HTR5A: variants seen among roughly 807,000 people sequenced by gnomAD.
HTR5A encodes 5-hydroxytryptamine receptor 5A, also known as 5-HT-5.
In HTR5A, 21 loss-of-function variants were observed where a neutral mutation model predicts 24.3. That is an observed-to-expected ratio of 0.86 (90% CI 0.61 to 1.24). HTR5A has a LOEUF of 1.24. Among genes scored for constraint, HTR5A ranks in the 50% most tolerant of loss-of-function variants. The probability of loss-of-function intolerance (pLI) is 0.00; values close to 1 mark genes in which losing one functional copy is unlikely to be tolerated. For missense variants in HTR5A, 497 were observed against 489.5 expected (o/e 1.02, Z -0.15); for synonymous variants, 260 against 213.7 (o/e 1.22, Z -1.89).
Position 155,070,882 on chromosome 7 carries a change from C to T in HTR5A, c.-18C>T, listed in dbSNP as rs55967309. The T allele has an allele frequency of 0.059, 94,037 of 1,585,772 alleles. 3,701 individuals are homozygous for T. The highest frequency in any genetic ancestry group is 0.18 in the Admixed American group (10,519 of 59,456). On this transcript the variant is annotated 5_prime_UTR_variant, in exon 1 of 2. Transcript: ENST00000287907. ...CACCCCTTCTGCAAGTACCCCAGGG[C>T]GGTCTCCTGACCCAGAGATGGATTT...
rs578052239 is a variant in HTR5A, at chr7:155,078,506, T to A, written c.742-5649T>A. 3.0e-3 allele frequency among the ~76,000 whole-genome samples: 462 copies of A among 152,238 alleles called. 2 individuals are homozygous for A. Among genetic ancestry groups the A allele is most frequent in the African/African-American group, 0.01 (435 of 41,544 alleles). On this transcript the variant is annotated intron_variant, in intron 1 of 1. Coordinates refer to ENST00000287907, the MANE Select transcript of HTR5A (RefSeq NM_024012.4). ...TTTTGTATTTTTTATAGAAATAGGG[T>A]CTCACCATGTTGCCCATGATGGTCT...
intron 1 of HTR5A, among the ~76,000 whole-genome samples, chr7:155,072,042 T>A (rs1795303618): frequency 6.6e-6 from 1 of 151,948 alleles, no homozygotes; most frequent in African/African-American, 2.4e-5. Flanking sequence ...AGAATGGGGG[T>A]GTTCCAGGAG....
At position 155,084,241 on chromosome 7, in the gene HTR5A, G is replaced by A. The variant is rs1347065818; in HGVS notation, c.828G>A (p.Arg276=). The part of the protein sequence containing the change: ...VTFQPEGDTW[R]EQKEQRAALM... ...TCCAGCCAGAAGGGGACACGTGGCGGGAGCAGAAGGAGCAGCGGGCCGCCC... is the reference window on the plus strand; with the variant it reads ...TCCAGCCAGAAGGGGACACGTGGCGAGAGCAGAAGGAGCAGCGGGCCGCCC... Residue 276 remains arginine, a synonymous_variant, in exon 2 of 2, where the codon CGG becomes CGA. Transcript: ENST00000287907. 4.3e-6 allele frequency: 7 copies of A among 1,614,150 alleles called. No individual in the cohort carries two copies. The highest frequency in any genetic ancestry group is 5.9e-6 in the Non-Finnish European group (7 of 1,180,018).
chr7:155,078,562 C>T (rs991274912), intron 1 of HTR5A, among the ~76,000 whole-genome samples: 1 of 152,192 alleles, frequency 6.6e-6, no homozygotes, highest in Non-Finnish European at 1.5e-5. Flanking sequence ...ATCCTCCTGC[C>T]TTGGCCTCCC....
intron 1 of HTR5A, among the ~76,000 whole-genome samples, chr7:155,082,154 C>T (rs1000683003): frequency 6.6e-5 from 10 of 151,614 alleles, no homozygotes; most frequent in African/African-American, 2.4e-4. Flanking sequence ...GACCAGCATC[C>T]ACAGTGTGAA....
chr7:155,073,323 G>GAAAA (rs66715434), intron 1 of HTR5A, among the ~76,000 whole-genome samples: 29 of 109,134 alleles, frequency 2.7e-4, no homozygotes, highest in Non-Finnish European at 3.8e-4. Context: ...TCTGTCTCAA[G>GAAAA]AAAAAAAAAA....
At position 155,071,440 on chromosome 7, in the gene HTR5A, T is replaced by G; in HGVS notation, c.541T>G (p.Trp181Gly). ...VISLAPLLFGWGETYSEGSEE... is the reference protein window; with the variant it reads ...VISLAPLLFGGGETYSEGSEE... ...CTCTCTGGCCCCGCTGCTTTTTGGC[T>G]GGGGAGAGACGTACTCTGAGGGCAG... The change falls in exon 1 of 2, where the codon TGG (tryptophan) becomes GGG (glycine). Residue 181 changes from tryptophan (W) to glycine (G), a missense_variant. Trp to Gly is a radical substitution (Grantham distance 184). Coordinates refer to ENST00000287907, the MANE Select transcript of HTR5A (RefSeq NM_024012.4). 1 of 1,614,184 alleles carries G rather than the reference T, an allele frequency of 6.2e-7. No homozygotes were observed.
Position 155,084,323 on chromosome 7 carries a change from A to G in HTR5A, c.910A>G (p.Thr304Ala), listed in dbSNP as rs2150821827. The change falls in exon 2 of 2, where the codon ACC becomes GCC. Residue 304 changes from threonine to alanine, a missense_variant. Physicochemically the swap from Thr to Ala is moderately conservative, Grantham distance 58. Transcript: ENST00000287907. ...FVLCWIPFFL[T>A]ELISPLCSCD... ...GCTCTGCTGGATCCCCTTCTTTCTC[A>G]CCGAGCTCATCAGTCCCCTCTGCTC... 6.2e-7 allele frequency: 1 copy of G among 1,613,802 alleles called. No homozygotes were observed. Among genetic ancestry groups the G allele is most frequent in the Non-Finnish European group, 8.5e-7 (1 of 1,179,970 alleles).
In HTR5A at chr7:155,071,514, C is replaced by A; in HGVS notation, c.615C>A (p.Thr205=). The change falls in exon 1 of 2, where the codon ACC becomes ACA. Residue 205 remains threonine, a synonymous_variant. Coordinates refer to ENST00000287907, the MANE Select transcript of HTR5A (RefSeq NM_024012.4). The stretch of plus-strand genomic sequence containing the variant: ...AGCCTTCCTACGCCGTGTTCTCCAC[C>A]GTAGGCGCCTTCTACCTGCCGCTCT... ...SREPSYAVFS[T]VGAFYLPLCV... 2 of 1,614,204 alleles carry A rather than the reference C, an allele frequency of 1.2e-6. No homozygotes were observed. Among genetic ancestry groups the A allele is most frequent in the Non-Finnish European group, 8.5e-7 (1 of 1,180,044 alleles).
At chr7:155,073,877 G>GTATA (rs1554519613) in intron 1 of HTR5A, among the ~76,000 whole-genome samples, 1 of 8,008 alleles carries the variant, frequency 1.2e-4, no homozygotes, top group African/African-American at 1.6e-4. Context: ...ATATATATAT[G>GTATA]TATATATATA....
At chr7:155,077,030 T>G (rs1402518123) in intron 1 of HTR5A, 2 of 152,244 alleles carry the variant, frequency 1.3e-5, no homozygotes, top group African/African-American at 2.4e-5. Flanking sequence ...GGAAGAATCA[T>G]TCTTAACTCT....
At chr7:155,079,769 C>T (rs1414014185) in intron 1 of HTR5A, among the ~76,000 whole-genome samples, 1 of 152,178 alleles carries the variant, frequency 6.6e-6, no homozygotes, top group African/African-American at 2.4e-5. Flanking sequence ...GGTTGGTCAA[C>T]AGTTCATGCT....
rs548497004 is a variant in HTR5A, at chr7:155,076,084, T to C, written c.741+4444T>C. ...CATAGGATAAAGGACCCAGGAACTA[T>C]AGAAGAGAGGTGATCAATCTTAGTG... On this transcript the variant is annotated intron_variant, in intron 1 of 1. Coordinates refer to ENST00000287907, the MANE Select transcript of HTR5A (RefSeq NM_024012.4). Among the ~76,000 whole-genome samples the C allele has an allele frequency of 2.6e-5, 4 of 152,344 alleles. No homozygotes were observed. In the South Asian group the frequency reaches 6.2e-4, roughly 24 times the overall value.
At chr7:155,080,547 C>T (rs6946257) in intron 1 of HTR5A, among the ~76,000 whole-genome samples, 2,479 of 152,258 alleles carry the variant, frequency 0.016, 58 homozygotes, top group African/African-American at 0.056. Context: ...ATGGAGCCTC[C>T]AGAACTGTCC....
chr7:155,084,089 G>A, intron 1 of HTR5A, 66 bp from the exon 2 acceptor site: 2 of 1,308,636 alleles, frequency 1.5e-6, no homozygotes, highest in East Asian at 2.4e-5. Flanking sequence ...GCCTGTCAGT[G>A]TCCAGGCTCA....
rs1795458195 is a variant in HTR5A, at chr7:155,084,792, T to A, written c.*305T>A. The A allele has an allele frequency of 3.2e-6, 1 of 314,740 alleles. No homozygotes were observed. The allele number at this position is 314,740 out of a possible 1,614,324, so 19.5% of individuals were successfully genotyped here. A position where few individuals can be genotyped will look rare whatever the true frequency, so the allele number is the denominator to read the frequency against. On this transcript the variant is annotated 3_prime_UTR_variant, in exon 2 of 2. Coordinates refer to ENST00000287907, the MANE Select transcript of HTR5A (RefSeq NM_024012.4). ...TTCACTCTGGCATGGTGATCGACAT[T>A]GTCTTAAAGAAGTCAAGGCAAATAA...
At chr7:155,076,807 T>G (rs1795363803) in intron 1 of HTR5A, among the ~76,000 whole-genome samples, 1 of 152,216 alleles carries the variant, frequency 6.6e-6, no homozygotes, top group African/African-American at 2.4e-5. Flanking sequence ...TTTAAAGGCC[T>G]AATACCAAAT....
intron 1 of HTR5A, among the ~76,000 whole-genome samples, chr7:155,078,393 T>C (rs915789728): frequency 6.6e-6 from 1 of 152,206 alleles, no homozygotes; most frequent in African/African-American, 2.4e-5. Flanking sequence ...AATATGCTGC[T>C]TGAAGGTTTT....
chr7:155,078,593 G>A (rs947273218), intron 1 of HTR5A, among the ~76,000 whole-genome samples: 9 of 152,150 alleles, frequency 5.9e-5, no homozygotes, highest in Admixed American at 1.3e-4. Flanking sequence ...GATTACAGGC[G>A]TGAGCCACCA....
Sources: allele counts gnomAD v4.1 joint callset (sites outside exome capture counted in the v4.1 genomes callset), GRCh38; gene constraint gnomAD v4.1.1; transcripts MANE v1.5; gene names NCBI Gene and HGNC (gene_info 2026-07-23, HGNC 2026-07-21).